ZC2HC1B: variants seen among roughly 807,000 people sequenced by gnomAD.
ZC2HC1B encodes the protein zinc finger C2HC domain-containing protein 1B.
A neutral mutation model predicts 31.0 loss-of-function variants in ZC2HC1B; 36 were observed. That is an observed-to-expected ratio of 1.16 (90% confidence interval 0.89 to 1.54). The LOEUF (loss-of-function observed/expected upper bound fraction) is 1.54, where lower values mean the gene tolerates loss of function less well. ZC2HC1B is among the 40% of genes most tolerant of loss of function. ZC2HC1B has a pLI of 0.00. For missense variants in ZC2HC1B, 260 were observed against 268.6 expected (o/e 0.97, Z 0.22); for synonymous variants, 73 against 88.0 (o/e 0.83, Z 0.95).
At chr6:143,902,409 C>T (rs1039862981) in intron 5 of ZC2HC1B, among the ~76,000 whole-genome samples, 1 of 152,190 alleles carries the variant, frequency 6.6e-6, no homozygotes, top group African/African-American at 2.4e-5. Flanking sequence ...CTCCTATAGT[C>T]TCTCAGCCAT....
intron 1 of ZC2HC1B, among the ~76,000 whole-genome samples, chr6:143,873,423 T>C (rs1424008123): frequency 1.3e-5 from 2 of 152,144 alleles, no homozygotes; most frequent in African/African-American, 4.8e-5. Flanking sequence ...CATTCTGGGG[T>C]CTGGAGGACA....
chr6:143,898,770 TCA>T, intron 5 of ZC2HC1B, 79 bp downstream of exon 5: 2 of 1,498,328 alleles, frequency 1.3e-6, no homozygotes, highest in Non-Finnish European at 1.8e-6. Flanking sequence ...CTAGAGAACC[TCA>T]GTTACCCATC....
chr6:143,912,736 TAAAG>T (rs1445336252), intron 6 of ZC2HC1B, among the ~76,000 whole-genome samples: 1 of 152,222 alleles, frequency 6.6e-6, no homozygotes, highest in Non-Finnish European at 1.5e-5. Flanking sequence ...GGAACCCACT[TAAAG>T]AAGCAGTCTG....
intron 6 of ZC2HC1B, among the ~76,000 whole-genome samples, chr6:143,906,253 C>T (rs1050185222): frequency 1.3e-5 from 2 of 152,188 alleles, no homozygotes; most frequent in Middle Eastern, 3.4e-3. Context: ...TCATGATTTA[C>T]TCTAGGTAGG....
intron 6 of ZC2HC1B, among the ~76,000 whole-genome samples, chr6:143,927,601 A>G (rs1182147995): frequency 1.3e-5 from 2 of 152,186 alleles, no homozygotes; most frequent in Non-Finnish European, 2.9e-5. Flanking sequence ...GCTGTGATAA[A>G]CATGAGTGCA....
rs984718437 is a variant in ZC2HC1B at position 143,922,132 on chromosome 6, T to C, written c.599-15517T>C. Among the ~76,000 whole-genome samples the C allele has an allele frequency of 6.6e-6, 1 of 152,160 alleles. No individual in the cohort carries two copies. Among genetic ancestry groups the C allele is most frequent in the Non-Finnish European group, 1.5e-5 (1 of 68,012 alleles). ...CCCATGCATTAGTTAGAATCTCACT[T>C]AGTGAGATTTCCTTCGTTCTGTTCT... On this transcript the variant is annotated intron_variant, in intron 6 of 7. Coordinates refer to ENST00000237275, the MANE Select transcript of ZC2HC1B (RefSeq NM_001013623.3). The surrounding 1 kb of genome is among the most constrained non-coding windows in gnomAD (Gnocchi z 5.0).
rs1218274291 is a variant in ZC2HC1B at position 143,915,685 on chromosome 6, G to A, written c.598+12533G>A. Among the ~76,000 whole-genome samples the A allele has an allele frequency of 6.6e-6, 1 of 152,176 alleles. No homozygotes were observed. The highest frequency in any genetic ancestry group is 1.9e-4 in the East Asian group (1 of 5,198). On this transcript the variant is annotated intron_variant, in intron 6 of 7. Coordinates refer to ENST00000237275, the MANE Select transcript of ZC2HC1B (RefSeq NM_001013623.3). The surrounding 1 kb of genome is among the most constrained non-coding windows in gnomAD (Gnocchi z 5.2). ...GGAACTTGTTGGGAACTGGATCAAAGGTTCCTCTTGTTATGTTTTAGCAAA... is the reference window on the plus strand; with the variant it reads ...GGAACTTGTTGGGAACTGGATCAAAAGTTCCTCTTGTTATGTTTTAGCAAA...
intron 6 of ZC2HC1B, among the ~76,000 whole-genome samples, chr6:143,931,361 A>G (rs1055713518): frequency 6.6e-5 from 10 of 152,258 alleles, no homozygotes; most frequent in South Asian, 6.2e-4. Flanking sequence ...ATGTTGCCCA[A>G]ATACCTTGTG....
At chr6:143,937,408 A>G (rs920045596) in intron 6 of ZC2HC1B, among the ~76,000 whole-genome samples, 2 of 152,180 alleles carry the variant, frequency 1.3e-5, no homozygotes, top group Admixed American at 6.5e-5. Flanking sequence ...AAGTCCATGA[A>G]TAAACAGAGG....
chr6:143,894,248 T>C (rs575188905), intron 4 of ZC2HC1B, among the ~76,000 whole-genome samples: 1 of 152,200 alleles, frequency 6.6e-6, no homozygotes. Flanking sequence ...GATGTTCTAT[T>C]ATATGAAATT....
In ZC2HC1B at chr6:143,885,914, T is replaced by A; in HGVS notation, c.91-118T>A. ...TGCTCTGCTGTGACCTGTTAGAGAATGAACTAGGCTCTGAGGAGCAAACAT... is the reference window on the plus strand; with the variant it reads ...TGCTCTGCTGTGACCTGTTAGAGAAAGAACTAGGCTCTGAGGAGCAAACAT... On this transcript the variant is annotated intron_variant, in intron 2 of 7. Transcript: ENST00000237275. This position sits in a 1 kb window ranked among gnomAD's most constrained non-coding sequence, Gnocchi z 4.2. The A allele has an allele frequency of 8.6e-7, 1 of 1,160,712 alleles. No individual in the cohort carries two copies. The highest frequency in any genetic ancestry group is 1.1e-6 in the Non-Finnish European group (1 of 882,146). 71.9% of individuals were successfully genotyped at this position (1,160,712 alleles called of 1,614,324 possible).
At position 143,884,454 on chromosome 6, in the gene ZC2HC1B, A is replaced by G. The variant is rs7754813; in HGVS notation, c.90+89A>G. On this transcript the variant is annotated intron_variant, in intron 2 of 7. Transcript: ENST00000237275. The surrounding 1 kb of genome is among the most constrained non-coding windows in gnomAD (Gnocchi z 5.1). The stretch of plus-strand genomic sequence containing the variant: ...GGAGGCGGCAGTGCAAAGATTAAAG[A>G]CAGATGTGGAGGGGAAGCAAGGGAA... 5,056 of 1,266,204 alleles carry G rather than the reference A, an allele frequency of 4.0e-3. 187 individuals carry two copies. In the African/African-American group the frequency reaches 0.068, roughly 17 times the overall value. The allele number at this position is 1,266,204 out of a possible 1,614,324, so 78.4% of individuals were successfully genotyped here.
Position 143,913,345 on chromosome 6 carries a change from TA to T in ZC2HC1B, c.598+10194del, listed in dbSNP as rs1777882603. On this transcript the variant is annotated intron_variant, in intron 6 of 7. Coordinates refer to ENST00000237275, the MANE Select transcript of ZC2HC1B (RefSeq NM_001013623.3). This position sits in a 1 kb window ranked among gnomAD's most constrained non-coding sequence, Gnocchi z 5.7. The stretch of plus-strand genomic sequence containing the variant: ...ACTCTCCAGAGTCCACAGGCTGGAA[TA>T]GCTGAATTGACCAAACAGCAGAGGT... Among the ~76,000 whole-genome samples, 1 of 152,214 alleles carries T rather than the reference TA, an allele frequency of 6.6e-6. No individual in the cohort carries two copies.
At chr6:143,901,884 G>T (rs7742707) in intron 5 of ZC2HC1B, among the ~76,000 whole-genome samples, 21,270 of 152,202 alleles carry the variant, frequency 0.14, 3,682 homozygotes, top group African/African-American at 0.41. Flanking sequence ...TCTACCTACA[G>T]TCTGTAAAGC....
rs1043435031 is a variant in ZC2HC1B, at chr6:143,903,256, C to T, written c.598+104C>T. On this transcript the variant is annotated intron_variant, in intron 6 of 7. Transcript: ENST00000237275. This position sits in a 1 kb window ranked among gnomAD's most constrained non-coding sequence, Gnocchi z 4.3. ...GTCTGCAAAAGCTCTAAGACATTCA[C>T]TGTTGCTTTTGGATGCAAAGATATT... 2 of 1,018,856 alleles carry T rather than the reference C, an allele frequency of 2.0e-6. No homozygotes were observed. Among genetic ancestry groups the T allele is most frequent in the African/African-American group, 3.2e-5 (2 of 61,904 alleles). 63.1% of individuals were successfully genotyped at this position (1,018,856 alleles called of 1,614,324 possible). A position where few individuals can be genotyped will look rare whatever the true frequency, so the allele number is the denominator to read the frequency against.
rs1418717955 is a variant in ZC2HC1B at position 143,911,593 on chromosome 6, G to A, written c.598+8441G>A. Among the ~76,000 whole-genome samples, 1 of 152,030 alleles carries A rather than the reference G, an allele frequency of 6.6e-6. No homozygotes were observed. The highest frequency in any genetic ancestry group is 1.5e-5 in the Non-Finnish European group (1 of 68,018). On this transcript the variant is annotated intron_variant, in intron 6 of 7. Transcript: ENST00000237275. The surrounding 1 kb of genome is among the most constrained non-coding windows in gnomAD (Gnocchi z 4.5). ...TTTTCTTTAAGAATGTTGAATTTTG[G>A]CCCCCAGTCTCTTCTACCTTCTAGG...
rs970469976 is a variant in ZC2HC1B, at chr6:143,868,961, AAGG to A, written c.28+4399_28+4401del. Among the ~76,000 whole-genome samples the A allele has an allele frequency of 1.2e-4, 19 of 152,302 alleles. No homozygotes were observed. The highest frequency in any genetic ancestry group is 4.6e-4 in the African/African-American group (19 of 41,550). On this transcript the variant is annotated intron_variant, in intron 1 of 7. Transcript: ENST00000237275. The surrounding 1 kb of genome is among the most constrained non-coding windows in gnomAD (Gnocchi z 4.2). ...TGCACAAACATGTTTTTAACAAAAG[AAGG>A]AGGAAATACTAATGACAATTACAGT...
intron 6 of ZC2HC1B, among the ~76,000 whole-genome samples, chr6:143,937,224 AG>A (rs1455621031): frequency 1.3e-5 from 2 of 152,126 alleles, no homozygotes; most frequent in African/African-American, 4.8e-5. Flanking sequence ...GATAACCCTA[AG>A]CAGGGAAGGC....
rs1777937477 is a variant in ZC2HC1B at position 143,917,917 on chromosome 6, G to A, written c.598+14765G>A. ...GACTAATAATTGTTTTTTAAAATGT[G>A]TTAGTCTCTTCGATCATGTAGAAAA... On this transcript the variant is annotated intron_variant, in intron 6 of 7. Transcript: ENST00000237275. The surrounding 1 kb of genome is among the most constrained non-coding windows in gnomAD (Gnocchi z 4.1). Among the ~76,000 whole-genome samples, 1 of 152,132 alleles carries A rather than the reference G, an allele frequency of 6.6e-6. No homozygotes were observed. The highest frequency in any genetic ancestry group is 1.5e-5 in the Non-Finnish European group (1 of 68,028).
Sources: allele counts gnomAD v4.1 joint callset (sites outside exome capture counted in the v4.1 genomes callset), GRCh38; gene constraint gnomAD v4.1.1; non-coding constraint Gnocchi (gnomAD v3.1); transcripts MANE v1.5; gene names NCBI Gene and HGNC (gene_info 2026-07-23, HGNC 2026-07-21).